The following USP48 variants were observed in gnomAD, a reference collection of about 807,000 sequenced individuals.
USP48 encodes ubiquitin specific peptidase 48, also known as ubiquitin carboxyl-terminal hydrolase 48.
Under a neutral mutation model 150.7 loss-of-function variants are expected in USP48, and 43 were observed. The observed-to-expected ratio is 0.29, with a 90% CI of 0.22 to 0.37. The LOEUF is 0.37. Among genes scored for constraint, USP48 ranks in the 10% least tolerant of loss-of-function variants. The probability of loss-of-function intolerance (pLI) is 1.00; values close to 1 mark genes in which losing one functional copy is unlikely to be tolerated. For missense variants in USP48, 813 were observed against 1,249.6 expected, an observed-to-expected ratio of 0.65 and a Z score of 5.27; for synonymous variants, 396 against 425.9, an observed-to-expected ratio of 0.93 and a Z score of 0.86.
intron 9 of USP48, chr1:21,732,727 T>C (rs1176760852): frequency 2.8e-5 from 9 of 326,310 alleles, no homozygotes; most frequent in Admixed American, 1.4e-4. Context: ...CAGAAGAAAA[T>C]AGAATTGTTA....
chr1:21,680,307 C>T (rs1484395467), intron 26 of USP48, among the ~76,000 whole-genome samples: 1 of 152,076 alleles, frequency 6.6e-6, no homozygotes, highest in Non-Finnish European at 1.5e-5. Context: ...ACTACATGGC[C>T]CAGATGTAGT....
At chr1:21,763,114 T>G (rs1185111614) in intron 1 of USP48, among the ~76,000 whole-genome samples, 1 of 152,182 alleles carries the variant, frequency 6.6e-6, no homozygotes, top group African/African-American at 2.4e-5. Flanking sequence ...ACCTATGGCC[T>G]AAATATTACC....
chr1:21,753,437 C>T (rs1330653001), intron 3 of USP48, among the ~76,000 whole-genome samples: 3 of 151,756 alleles, frequency 2.0e-5, no homozygotes, highest in Non-Finnish European at 4.4e-5. Flanking sequence ...CACATGTAAT[C>T]CCAGCTACTT....
At chr1:21,735,494 T>C (rs777894267) in intron 9 of USP48, among the ~76,000 whole-genome samples, 14 of 152,182 alleles carry the variant, frequency 9.2e-5, no homozygotes, top group Non-Finnish European at 1.9e-4. Flanking sequence ...TTCACACCTG[T>C]AATCCCAGCA....
intron 1 of USP48, among the ~76,000 whole-genome samples, chr1:21,779,981 G>C (rs910418213): frequency 6.6e-6 from 1 of 152,108 alleles, no homozygotes; most frequent in African/African-American, 2.4e-5. Context: ...AATGTAAATC[G>C]GTACAACCAC....
At chr1:21,763,707 C>G (rs574798796) in intron 1 of USP48, among the ~76,000 whole-genome samples, 1 of 152,198 alleles carries the variant, frequency 6.6e-6, no homozygotes, top group South Asian at 2.1e-4. Flanking sequence ...TCCAGCTACT[C>G]AGGAGGCTGA....
intron 7 of USP48, among the ~76,000 whole-genome samples, 175 bp downstream of exon 7, chr1:21,747,963 T>A (rs2097799523): frequency 6.6e-6 from 1 of 152,256 alleles, no homozygotes; most frequent in East Asian, 1.9e-4. Context: ...TTCTTTAAAA[T>A]TTTTTATGAT....
chr1:21,762,630 G>A (rs1470657764), intron 1 of USP48, among the ~76,000 whole-genome samples: 1 of 152,166 alleles, frequency 6.6e-6, no homozygotes, highest in Non-Finnish European at 1.5e-5. Context: ...CACTTTGGGA[G>A]GCGGAGGCGG....
chr1:21,763,766 G>A (rs1190171839), intron 1 of USP48, among the ~76,000 whole-genome samples: 2 of 145,852 alleles, frequency 1.4e-5, no homozygotes, highest in Admixed American at 1.4e-4. Flanking sequence ...GGTGAGCCGA[G>A]ATCATGCCAT....
chr1:21,767,550 C>T (rs1464552991), intron 1 of USP48, among the ~76,000 whole-genome samples: 1 of 151,682 alleles, frequency 6.6e-6, no homozygotes, highest in African/African-American at 2.4e-5. Flanking sequence ...GTCTCGATCT[C>T]CTAACCTCGT....
At chr1:21,728,817 T>G (rs558377734) in intron 10 of USP48, 98 bp from the exon 11 acceptor site, 2 of 1,406,300 alleles carry the variant, frequency 1.4e-6, no homozygotes, top group African/African-American at 2.9e-5. Flanking sequence ...GATTAAAACA[T>G]TGGCAGAAAT....
chr1:21,680,226 C>G (rs778942946), intron 26 of USP48, among the ~76,000 whole-genome samples: 2 of 152,198 alleles, frequency 1.3e-5, no homozygotes, highest in Non-Finnish European at 2.9e-5. Context: ...AGAATCAAGA[C>G]AGCAACAGGA....
In USP48 at chr1:21,728,344, A is replaced by C. The variant is rs2097745560; in HGVS notation, c.1450+226T>G. 6 of 1,285,052 alleles carry C rather than the reference A, an allele frequency of 4.7e-6. No homozygotes were observed. In the South Asian group the frequency reaches 1.6e-4, roughly 35 times the overall value. The allele number at this position is 1,285,052 out of a possible 1,614,324, so 79.6% of individuals were successfully genotyped here. ...TGCAGAGTGCTGACCTAAATGTTAT[A>C]ATTTATTAACAGCTTCCCATTTTTA... On this transcript the variant is annotated intron_variant, in intron 11 of 26. Transcript: ENST00000308271.
Position 21,712,426 on chromosome 1 carries a change from G to T in USP48, c.1963+2963C>A, listed in dbSNP as rs1348216563. On this transcript the variant is annotated intron_variant, in intron 15 of 26. Transcript: ENST00000308271. ...TAAATGTGGAAAACTACAGGCAAAT[G>T]GTAAACATTCAATAATTGCCCACTA... 8.0e-5 allele frequency among the ~76,000 whole-genome samples: 5 copies of T among 62,710 alleles called. No homozygotes were observed. In the East Asian group the frequency reaches 1.0e-3, roughly 13 times the overall value. 41.1% of individuals were successfully genotyped at this position (62,710 alleles called of 152,430 possible). A position where few individuals can be genotyped will look rare whatever the true frequency, so the allele number is the denominator to read the frequency against.
chr1:21,706,904 A>AC (rs1004979281), intron 15 of USP48, 36 bp from the exon 16 acceptor site: 5 of 1,533,800 alleles, frequency 3.3e-6, no homozygotes, highest in Non-Finnish European at 4.4e-6. Flanking sequence ...AAAAAAAAAA[A>AC]CAGCTGAAAA....
chr1:21,757,653 G>A lies in USP48; in HGVS notation c.255+10C>T. 1 of 1,601,452 alleles carries A rather than the reference G, an allele frequency of 6.2e-7. No homozygotes were observed. The highest frequency in any genetic ancestry group is 8.5e-7 in the Non-Finnish European group (1 of 1,176,860). Reference sequence around the variant, plus strand: ...AGCATATAGCAATCGCTTAAAAAATGATGGTTTACCTTTTTTCTCCTCTCA... The same window carrying A: ...AGCATATAGCAATCGCTTAAAAAATAATGGTTTACCTTTTTTCTCCTCTCA... On this transcript the variant is annotated intron_variant, in intron 2 of 26. Coordinates refer to ENST00000308271, the MANE Select transcript of USP48 (RefSeq NM_032236.8).
At chr1:21,679,529 G>T in intron 26 of USP48, 90 bp from the exon 27 acceptor site, 1 of 1,509,090 alleles carries the variant, frequency 6.6e-7, no homozygotes, top group South Asian at 1.1e-5. Flanking sequence ...TCATCAACAG[G>T]GAGCATCAAA....
chr1:21,722,416 G>C (rs1283252568), intron 12 of USP48, among the ~76,000 whole-genome samples: 1 of 151,508 alleles, frequency 6.6e-6, no homozygotes. Flanking sequence ...ATGTGTGCCT[G>C]TAGTCCTAGC....
intron 14 of USP48, among the ~76,000 whole-genome samples, chr1:21,718,552 A>T (rs961207129): frequency 5.5e-5 from 8 of 144,574 alleles, no homozygotes; most frequent in Non-Finnish European, 1.5e-5. Context: ...TGATATATAA[A>T]GAGGCCTTTT....
Sources: allele counts gnomAD v4.1 joint callset (sites outside exome capture counted in the v4.1 genomes callset), GRCh38; gene constraint gnomAD v4.1.1; transcripts MANE v1.5; gene names NCBI Gene and HGNC (gene_info 2026-07-23, HGNC 2026-07-21).